UBA1: variants seen among roughly 807,000 people sequenced by gnomAD.
UBA1 encodes ubiquitin-like modifier-activating enzyme 1.
In UBA1, 4 loss-of-function variants were observed where a neutral mutation model predicts 84.7. The observed-to-expected ratio is 0.05, with a 90% confidence interval of 0.02 to 0.11. The LOEUF is 0.11. Among genes scored for constraint, UBA1 ranks in the 10% least tolerant of loss-of-function variants. The pLI, the probability that UBA1 is intolerant of heterozygous loss-of-function variation, is 1.00. For synonymous variants in UBA1, 364 were observed against 362.6 expected, an observed-to-expected ratio of 1.00 and a Z score of -0.04; for missense variants, 513 against 902.8, an observed-to-expected ratio of 0.57 and a Z score of 5.53.
At chrX:47,203,294 T>C in intron 13 of UBA1, 80 bp downstream of exon 13, 1 of 1,054,680 alleles carries the variant, frequency 9.5e-7, no homozygotes, top group Non-Finnish European at 1.3e-6. Flanking sequence ...GGCATCTCAA[T>C]GCAACCGGTG....
intron 1 of UBA1, among the ~76,000 whole-genome samples, chrX:47,194,787 C>T (rs980586167): frequency 8.9e-6 from 1 of 112,278 alleles, no homozygotes; most frequent in Non-Finnish European, 1.9e-5. Flanking sequence ...TGTCCTTTGA[C>T]ACTTTCTCTA....
chrX:47,191,605 C>T (rs1936064644), upstream of UBA1: 1 of 111,870 alleles, frequency 8.9e-6, no homozygotes, highest in African/African-American at 3.3e-5. Flanking sequence ...TTGCCTCTTT[C>T]GCACCTGGTC....
Position 47,203,038 on chromosome X carries a change from G to A in UBA1, c.1329G>A (p.Lys443=). ...ACAAAGAGGTCCTCACAGAGGACAA[G>A]TGCCTCCAGGTATGTGGGTGGGACC... The part of the protein sequence containing the change: ...PEDKEVLTED[K]CLQRQNRYDG... Residue 443 remains lysine, a synonymous_variant, in exon 12 of 26, where the codon AAG becomes AAA. Coordinates refer to ENST00000335972, the MANE Select transcript of UBA1 (RefSeq NM_003334.4). 5 of 1,209,620 alleles carry A rather than the reference G, an allele frequency of 4.1e-6. No individual in the cohort carries two copies. Among genetic ancestry groups the A allele is most frequent in the African/African-American group, 1.7e-5 (1 of 57,869 alleles).
chrX:47,213,347 G>A (rs1255379494), intron 23 of UBA1, among the ~76,000 whole-genome samples, 166 bp downstream of exon 23: 5 of 111,794 alleles, frequency 4.5e-5, no homozygotes, highest in Admixed American at 1.9e-4. Flanking sequence ...GAGTACGTGC[G>A]AAAAGATGGG....
rs922304364 is a variant in UBA1, at chrX:47,213,295, T to G, written c.2838+114T>G. The G allele has an allele frequency of 1.6e-5, 12 of 772,815 alleles. No individual in the cohort carries two copies. The Admixed American group carries it at 1.7e-4, about 11-fold the overall frequency. 63.7% of individuals were successfully genotyped at this position (772,815 alleles called of 1,213,427 possible). A position where few individuals can be genotyped will look rare whatever the true frequency, so the allele number is the denominator to read the frequency against. On this transcript the variant is annotated intron_variant, in intron 23 of 25. Transcript: ENST00000335972. ...GGGTTTCTGTCTGTGTACCTACCCT[T>G]TTTGTGTATCCTTTTTCACTTATTC...
intron 8 of UBA1, 41 bp from the exon 9 acceptor site, chrX:47,202,115 G>GAGAATGGGTAGACTGAC (rs782641474): frequency 1.3e-5 from 15 of 1,111,108 alleles, no homozygotes; most frequent in Non-Finnish European, 1.6e-5. Context: ...GGATTTTAGG[G>GAGAATGGGTAGACTGAC]AGAATGGGTA....
rs1301756527 is a variant in UBA1 at position 47,202,218 on chromosome X, G to A, written c.874G>A (p.Val292Ile). ...NFSDYIRGGI[V>I]SQVKVPKKIS... ...CTCCGACTACATCCGTGGAGGCATCGTCAGTCAGGTCAAAGTACCTAAGAA... is the reference window on the plus strand; with the variant it reads ...CTCCGACTACATCCGTGGAGGCATCATCAGTCAGGTCAAAGTACCTAAGAA... The change falls in exon 9 of 26, where the codon GTC becomes ATC. Residue 292 changes from valine (V) to isoleucine (I), a missense_variant. Coordinates refer to ENST00000335972, the MANE Select transcript of UBA1 (RefSeq NM_003334.4). 1.7e-6 allele frequency: 2 copies of A among 1,209,704 alleles called. No individual in the cohort carries two copies. Among genetic ancestry groups the A allele is most frequent in the East Asian group, 5.9e-5 (2 of 33,818 alleles).
At chrX:47,204,139 G>GTTTTTTTTTTTTTTTTTTTTTTTTTTT (rs55829376) in intron 14 of UBA1, among the ~76,000 whole-genome samples, 1 of 16,861 alleles carries the variant, frequency 5.9e-5, no homozygotes, top group African/African-American at 2.6e-4. Context: ...CTCAGCTTCT[G>GTTTTTTTTTTTTTTTTTTTTTTTTTTT]TTTTTTTTTT....
At position 47,214,847 on chromosome X, in the gene UBA1, G is replaced by A. The variant is rs782077225; in HGVS notation, c.3095G>A (p.Arg1032Gln). Residue 1032 changes from arginine to glutamine, a missense_variant, in exon 26 of 26, where the codon CGG (arginine) becomes CAG (glutamine). Around this residue, in one of 6 missense-constraint regions of UBA1, gnomAD observed 151 missense variants for 260.1 expected, o/e 0.58. Transcript: ENST00000335972. ...VSKRKLGRHV[R>Q]ALVLELCCND... ...AAGCGAAAGCTGGGCCGCCACGTGC[G>A]GGCGCTGGTGCTTGAGCTGTGCTGT... 18 of 1,210,383 alleles carry A rather than the reference G, an allele frequency of 1.5e-5. No individual in the cohort carries two copies. The highest frequency in any genetic ancestry group is 2.0e-5 in the Non-Finnish European group (18 of 895,405).
intron 17 of UBA1, 25 bp downstream of exon 17, chrX:47,209,712 C>T (rs1556792751): frequency 2.5e-6 from 3 of 1,193,190 alleles, no homozygotes; most frequent in Non-Finnish European, 3.4e-6. Context: ...TGCCCTCTCG[C>T]CCTGTCCCTG....
chrX:47,207,823 C>G (rs1448421555), intron 16 of UBA1, among the ~76,000 whole-genome samples: 2 of 112,172 alleles, frequency 1.8e-5, no homozygotes, highest in Admixed American at 9.5e-5. Context: ...GATTCCTGTT[C>G]TGTAAAATGG....
At chrX:47,200,295 T>G (rs1936356879) in intron 5 of UBA1, among the ~76,000 whole-genome samples, 1 of 112,308 alleles carries the variant, frequency 8.9e-6, no homozygotes, top group African/African-American at 3.2e-5. Flanking sequence ...TTGTGAGGGT[T>G]AAACACGTGG....
intron 1 of UBA1, chrX:47,198,183 C>T (rs1556786091): frequency 6.2e-6 from 6 of 973,108 alleles, no homozygotes; most frequent in Non-Finnish European, 8.0e-6. Flanking sequence ...ACCGCTCCTG[C>T]CATCATGCCA....
chrX:47,203,343 GC>G, intron 13 of UBA1, 129 bp downstream of exon 13: 1 of 864,449 alleles, frequency 1.2e-6, no homozygotes, highest in Non-Finnish European at 1.7e-6. Context: ...TTGAAGGGAA[GC>G]CCAGTGCATC....
intron 14 of UBA1, chrX:47,205,137 G>T: frequency 5.2e-6 from 1 of 192,300 alleles, no homozygotes; most frequent in Admixed American, 6.5e-5. Context: ...GGACTAGAGT[G>T]CCCTCTGCTG....
intron 16 of UBA1, among the ~76,000 whole-genome samples, chrX:47,208,272 C>CAT (rs1556791887): frequency 3.8e-5 from 4 of 106,481 alleles, no homozygotes; most frequent in Middle Eastern, 4.7e-3. Flanking sequence ...AGTGTCTGTA[C>CAT]GTGTGTGTGT....
At chrX:47,199,838 A>G (rs1386867642) in intron 5 of UBA1, among the ~76,000 whole-genome samples, 5 of 105,893 alleles carry the variant, frequency 4.7e-5, no homozygotes, top group Non-Finnish European at 9.7e-5. Flanking sequence ...GCTAGAGTGC[A>G]GTGGCGCGAT....
chrX:47,204,214 C>T (rs1033004814), intron 14 of UBA1, among the ~76,000 whole-genome samples: 5 of 88,349 alleles, frequency 5.7e-5, no homozygotes, highest in Non-Finnish European at 1.0e-4. Context: ...GTCTGGGGTC[C>T]TCAAAACTAC....
chrX:47,205,672 G>A (rs1428548464), intron 14 of UBA1: 2 of 392,686 alleles, frequency 5.1e-6, no homozygotes, highest in African/African-American at 2.5e-5. Context: ...TGGGCAGCAT[G>A]ACAAAACCCT....
Sources: gnomAD v4.1 joint callset for allele counts (sites outside exome capture counted in the v4.1 genomes callset) on GRCh38, gnomAD v4.1.1 for gene constraint, gnomAD v4.1.1 regional missense constraint, MANE v1.5 for transcripts, NCBI Gene and HGNC (gene_info 2026-07-23, HGNC 2026-07-21) for gene names.